The following RALGAPA2 variants were observed in gnomAD, a reference collection of about 807,000 sequenced individuals.
RALGAPA2 encodes Ral GTPase activating protein catalytic subunit alpha 2.
A neutral mutation model predicts 230.4 loss-of-function variants in RALGAPA2; 139 were observed. The ratio of observed to expected loss-of-function variants is 0.60; its 90% CI spans 0.53 to 0.69. The LOEUF (loss-of-function observed/expected upper bound fraction) is 0.69, where lower values mean the gene tolerates loss of function less well. Ranked by LOEUF, RALGAPA2 falls within the 30% of genes least tolerant of loss-of-function variation. RALGAPA2 has a pLI of 0.00. For synonymous variants in RALGAPA2, 847 were observed against 837.8 expected (o/e 1.01, Z -0.19); for missense variants, 2,163 against 2,276.0 (o/e 0.95, Z 1.01).
chr20:20,710,269 G>A (rs902863039), intron 1 of RALGAPA2, among the ~76,000 whole-genome samples: 10 of 152,104 alleles, frequency 6.6e-5, no homozygotes, highest in African/African-American at 2.4e-4. Context: ...CCTTCAAATA[G>A]TTTCCTTAAT....
chr20:20,445,688 T>G (rs1361577639), intron 37 of RALGAPA2, among the ~76,000 whole-genome samples: 1 of 152,246 alleles, frequency 6.6e-6, no homozygotes, highest in African/African-American at 2.4e-5. Flanking sequence ...AAAAAACTTC[T>G]GATTAATGGT....
rs747125733 is a variant in RALGAPA2 at position 20,712,481 on chromosome 20, C to T, written c.-1G>A. On this transcript the variant is annotated 5_prime_UTR_variant, in exon 1 of 40. Transcript: ENST00000202677. The surrounding 1 kb of genome is among the most constrained non-coding windows in gnomAD (Gnocchi z 5.5). ...CCCCGTGGCTCCTTCGGGAGAACATCCCGCGGCAGGAAGCCCGGGCCCCGC... is the reference window on the plus strand; with the variant it reads ...CCCCGTGGCTCCTTCGGGAGAACATTCCGCGGCAGGAAGCCCGGGCCCCGC... 2.4e-5 allele frequency: 37 copies of T among 1,545,620 alleles called. No homozygotes were observed. The highest frequency in any genetic ancestry group is 1.2e-5 in the South Asian group (1 of 83,858).
chr20:20,524,589 C>G (rs751483442), intron 29 of RALGAPA2, 46 bp from the exon 30 acceptor site: 1 of 1,608,164 alleles, frequency 6.2e-7, no homozygotes, highest in South Asian at 1.1e-5. Flanking sequence ...GTCTCTTAAA[C>G]CTCACTACAT....
intron 37 of RALGAPA2, among the ~76,000 whole-genome samples, chr20:20,449,939 G>A (rs960922230): frequency 2.0e-5 from 3 of 152,194 alleles, no homozygotes; most frequent in African/African-American, 7.2e-5. Flanking sequence ...AGTAGTCAAT[G>A]GGGATGCCCT....
chr20:20,554,360 T>C (rs1396206383), intron 23 of RALGAPA2, among the ~76,000 whole-genome samples: 1 of 152,230 alleles, frequency 6.6e-6, no homozygotes, highest in Non-Finnish European at 1.5e-5. Flanking sequence ...ACTTAATTCC[T>C]TCAAATTAAT....
chr20:20,557,286 G>A (rs1158114970), intron 23 of RALGAPA2, among the ~76,000 whole-genome samples: 2 of 152,110 alleles, frequency 1.3e-5, no homozygotes, highest in Non-Finnish European at 2.9e-5. Context: ...TCCAGCCTGG[G>A]CGACAGAGTG....
intron 24 of RALGAPA2, among the ~76,000 whole-genome samples, chr20:20,544,820 T>G (rs548545386): frequency 3.4e-5 from 5 of 146,140 alleles, no homozygotes; most frequent in Non-Finnish European, 7.4e-5. Flanking sequence ...AGCTGAACAA[T>G]GAGAACATAT....
intron 4 of RALGAPA2, among the ~76,000 whole-genome samples, chr20:20,651,841 T>C (rs2067408994): frequency 6.6e-6 from 1 of 152,230 alleles, no homozygotes. Flanking sequence ...AAATACTGCA[T>C]GCAGTTATTT....
chr20:20,457,414 C>T (rs763908213), intron 37 of RALGAPA2, among the ~76,000 whole-genome samples: 2 of 152,140 alleles, frequency 1.3e-5, no homozygotes, highest in Non-Finnish European at 2.9e-5. Flanking sequence ...CTTATAAAAG[C>T]TGAAATTTGA....
At chr20:20,687,536 A>T (rs375825875) in intron 1 of RALGAPA2, among the ~76,000 whole-genome samples, 1 of 151,912 alleles carries the variant, frequency 6.6e-6, no homozygotes, top group East Asian at 1.9e-4. Context: ...ATCCAAGCAA[A>T]ATGAGAAAAT....
chr20:20,649,499 C>T (rs972949327), intron 4 of RALGAPA2, among the ~76,000 whole-genome samples: 2 of 152,058 alleles, frequency 1.3e-5, no homozygotes, highest in Non-Finnish European at 2.9e-5. Context: ...TATAAAAAAC[C>T]TAGGTGAACA....
At chr20:20,560,720 C>T (rs923104672) in intron 23 of RALGAPA2, among the ~76,000 whole-genome samples, 1 of 152,188 alleles carries the variant, frequency 6.6e-6, no homozygotes, top group South Asian at 2.1e-4. Flanking sequence ...CCAAGTATAA[C>T]TTTAGTACCT....
At chr20:20,691,827 C>T (rs907794085) in intron 1 of RALGAPA2, among the ~76,000 whole-genome samples, 7 of 152,144 alleles carry the variant, frequency 4.6e-5, no homozygotes, top group African/African-American at 1.7e-4. Flanking sequence ...TTGTCCCCTC[C>T]AAATCTCTTG....
At chr20:20,691,697 A>C (rs2068916735) in intron 1 of RALGAPA2, among the ~76,000 whole-genome samples, 1 of 152,170 alleles carries the variant, frequency 6.6e-6, no homozygotes, top group Non-Finnish European at 1.5e-5. Flanking sequence ...ATCTGTGTCC[A>C]AGCACCACTA....
At chr20:20,399,735 A>G (rs1455315244) in intron 38 of RALGAPA2, among the ~76,000 whole-genome samples, 1 of 152,260 alleles carries the variant, frequency 6.6e-6, no homozygotes, top group African/African-American at 2.4e-5. Context: ...CGTTCCAGGA[A>G]TTGGTGGGCC....
At chr20:20,420,776 G>A (rs1231580640) in intron 37 of RALGAPA2, among the ~76,000 whole-genome samples, 1 of 152,172 alleles carries the variant, frequency 6.6e-6, no homozygotes, top group Non-Finnish European at 1.5e-5. Context: ...ACCCTGTTTC[G>A]AATGTGTGAA....
intron 37 of RALGAPA2, among the ~76,000 whole-genome samples, chr20:20,443,479 C>T (rs777500828): frequency 7.2e-5 from 11 of 152,212 alleles, no homozygotes; most frequent in Admixed American, 4.6e-4. Flanking sequence ...CTGGATCCCT[C>T]TTGAGCCTTG....
intron 38 of RALGAPA2, among the ~76,000 whole-genome samples, chr20:20,403,698 T>C (rs900844535): frequency 6.6e-6 from 1 of 152,184 alleles, no homozygotes; most frequent in Non-Finnish European, 1.5e-5. Flanking sequence ...CAGCTGCTTC[T>C]CTGCACCCTA....
intron 14 of RALGAPA2, among the ~76,000 whole-genome samples, chr20:20,608,166 A>G (rs546212825): frequency 6.6e-5 from 10 of 152,328 alleles, no homozygotes; most frequent in Middle Eastern, 3.4e-3. Context: ...TTGGCACACA[A>G]GATGTATTTT....
Sources: gnomAD v4.1 joint callset for allele counts (sites outside exome capture counted in the v4.1 genomes callset) on GRCh38, gnomAD v4.1.1 for gene constraint, Gnocchi (gnomAD v3.1) non-coding constraint, MANE v1.5 for transcripts, NCBI Gene and HGNC (gene_info 2026-07-23, HGNC 2026-07-21) for gene names.